RTL4: variants seen among roughly 807,000 people sequenced by gnomAD.
The protein encoded by RTL4 is retrotransposon Gag like 4, also known as retrotransposon Gag-like protein 4.
In RTL4, 4 loss-of-function variants were observed where a neutral mutation model predicts 5.3. The ratio of observed to expected loss-of-function variants is 0.75; its 90% confidence interval spans 0.37 to 1.72. The LOEUF (loss-of-function observed/expected upper bound fraction) is 1.72. RTL4 is among the 40% of genes most tolerant of loss of function. The probability of loss-of-function intolerance (pLI) is 0.04; values close to 1 mark genes in which losing one functional copy is unlikely to be tolerated. For missense variants in RTL4, 260 were observed against 227.1 expected (o/e 1.14, Z -0.93); for synonymous variants, 98 against 87.3 (o/e 1.12, Z -0.68).
chrX:112,198,830 A>T, the RTL4 span, among the ~76,000 whole-genome samples: 2 of 111,018 alleles, frequency 1.8e-5, no homozygotes, highest in Non-Finnish European at 3.8e-5. Flanking sequence ...CTATGGAGAA[A>T]TGCGGAGTGT....
At chrX:112,380,199 C>T in the RTL4 span, among the ~76,000 whole-genome samples, 1 of 106,311 alleles carries the variant, frequency 9.4e-6, no homozygotes, top group South Asian at 4.0e-4. Context: ...CAGGCTGGAG[C>T]GCAGTGGCAC....
the RTL4 span, among the ~76,000 whole-genome samples, chrX:112,097,083 T>C: frequency 8.9e-6 from 1 of 111,784 alleles, no homozygotes; most frequent in Non-Finnish European, 1.9e-5. Flanking sequence ...AATCAAATAA[T>C]GTAACCAACC....
chrX:112,315,063 T>C, the RTL4 span, among the ~76,000 whole-genome samples: 105 of 111,572 alleles, frequency 9.4e-4, no homozygotes, highest in Non-Finnish European at 1.6e-3. Flanking sequence ...TGGCGGTCCT[T>C]ACAACAAACT....
At chrX:112,302,610 G>T in the RTL4 span, among the ~76,000 whole-genome samples, 2 of 112,082 alleles carry the variant, frequency 1.8e-5, no homozygotes, top group African/African-American at 6.5e-5. Context: ...TCACCCTGTA[G>T]GGCTGTTAAT....
chrX:112,278,467 G>C, the RTL4 span, among the ~76,000 whole-genome samples: 1 of 111,928 alleles, frequency 8.9e-6, no homozygotes, highest in Non-Finnish European at 1.9e-5. Context: ...GCCCAGGCAG[G>C]TCACTTTGTA....
chrX:112,337,128 T>C, the RTL4 span, among the ~76,000 whole-genome samples: 12 of 111,904 alleles, frequency 1.1e-4, no homozygotes, highest in Non-Finnish European at 1.9e-5. Context: ...AAAATGTCTC[T>C]CAAAGTATGT....
At chrX:112,445,475 T>G in the RTL4 span, among the ~76,000 whole-genome samples, 6 of 112,070 alleles carry the variant, frequency 5.4e-5, no homozygotes, top group Non-Finnish European at 1.1e-4. Context: ...TTATGATTAT[T>G]AATAGTTATT....
the RTL4 span, among the ~76,000 whole-genome samples, chrX:112,147,580 G>A: frequency 9.0e-6 from 1 of 111,214 alleles, no homozygotes; most frequent in Non-Finnish European, 1.9e-5. Context: ...TAAACCTCTG[G>A]GTGAATACAG....
chrX:112,456,808 C>A (rs1406153740), exon 1 of RTL4: 1 of 125,653 alleles, frequency 8.0e-6, no homozygotes, highest in African/African-American at 3.2e-5. Flanking sequence ...ACTATCTCAT[C>A]TGAAAAATCC....
chrX:112,179,250 G>A, the RTL4 span, among the ~76,000 whole-genome samples: 2 of 111,253 alleles, frequency 1.8e-5, no homozygotes, highest in East Asian at 5.7e-4. Flanking sequence ...CCTGAATGAA[G>A]GGTGGGGGTC....
At chrX:112,178,889 G>T in the RTL4 span, among the ~76,000 whole-genome samples, 1 of 111,710 alleles carries the variant, frequency 9.0e-6, no homozygotes, top group Non-Finnish European at 1.9e-5. Context: ...AGAGTGTGAA[G>T]AGTCTCTTGA....
chrX:112,094,618 C>T, the RTL4 span, among the ~76,000 whole-genome samples: 9 of 110,648 alleles, frequency 8.1e-5, no homozygotes, highest in Non-Finnish European at 1.5e-4. Flanking sequence ...GTTTAAAGAT[C>T]AGGTAGTGAA....
At chrX:112,332,037 T>C in the RTL4 span, among the ~76,000 whole-genome samples, 2 of 108,316 alleles carry the variant, frequency 1.8e-5, no homozygotes, top group Non-Finnish European at 3.8e-5. Context: ...AGGGATAGCA[T>C]TGGGAGATAT....
chrX:112,221,221 CTTA>C, the RTL4 span, among the ~76,000 whole-genome samples: 2 of 111,396 alleles, frequency 1.8e-5, no homozygotes. Context: ...GGAAAATTAC[CTTA>C]TAAAACCATC....
the RTL4 span, among the ~76,000 whole-genome samples, chrX:112,150,206 TTTTA>T: frequency 1.3e-4 from 15 of 111,603 alleles, no homozygotes; most frequent in African/African-American, 4.6e-4. Flanking sequence ...GAGTTTGGCT[TTTTA>T]TTTATCTGCT....
the RTL4 span, among the ~76,000 whole-genome samples, chrX:112,255,480 T>G: frequency 8.9e-6 from 1 of 111,877 alleles, no homozygotes; most frequent in South Asian, 3.7e-4. Flanking sequence ...GAGCCTCAAT[T>G]TTATCCTCTG....
chrX:112,092,249 T>A, the RTL4 span, among the ~76,000 whole-genome samples: 25 of 111,962 alleles, frequency 2.2e-4, no homozygotes, highest in African/African-American at 8.1e-4. Flanking sequence ...TTCTGCCATG[T>A]TGCTGTCTTT....
chrX:112,257,939 G>T, the RTL4 span, among the ~76,000 whole-genome samples: 4 of 104,588 alleles, frequency 3.8e-5, no homozygotes, highest in African/African-American at 1.1e-4. Context: ...GTTCATTGAA[G>T]AACTGAATAC....
chrX:112,153,161 A>G, the RTL4 span, among the ~76,000 whole-genome samples: 2 of 112,378 alleles, frequency 1.8e-5, no homozygotes, highest in South Asian at 7.3e-4. Flanking sequence ...CTTGGGACTT[A>G]GTGCATATTC....
Sources: gnomAD v4.1 joint callset for allele counts (sites outside exome capture counted in the v4.1 genomes callset) on GRCh38, gnomAD v4.1.1 for gene constraint, MANE v1.5 for transcripts, NCBI Gene and HGNC (gene_info 2026-07-23, HGNC 2026-07-21) for gene names.